Variants in PKP2 observed in about 807,000 individuals in gnomAD.
PKP2 encodes the protein plakophilin-2.
Under a neutral mutation model 83.4 loss-of-function variants are expected in PKP2, and 73 were observed. That is an observed-to-expected ratio of 0.88 (90% CI 0.72 to 1.06). The LOEUF (loss-of-function observed/expected upper bound fraction) is 1.06, where lower values mean the gene tolerates loss of function less well. Ranked by LOEUF, PKP2 falls within the 50% of genes least tolerant of loss-of-function variation. PKP2 has a pLI of 0.00. For synonymous variants in PKP2, 409 were observed against 430.4 expected (o/e 0.95, Z 0.62); for missense variants, 966 against 1,065.4 (o/e 0.91, Z 1.30).
In PKP2 at chr12:32,829,926, G is replaced by T. The variant is rs192727367; in HGVS notation, c.1557-5764C>A. 2.1e-3 allele frequency among the ~76,000 whole-genome samples: 325 copies of T among 152,288 alleles called. 1 individual carries two copies. Among genetic ancestry groups the T allele is most frequent in the African/African-American group, 7.5e-3 (313 of 41,560 alleles). Reference sequence around the variant, plus strand: ...TCCGCCTGCCTCAGCCTCCCAAAGTGCTGGGATTACAGGCGTAAACCACTG... The same window carrying T: ...TCCGCCTGCCTCAGCCTCCCAAAGTTCTGGGATTACAGGCGTAAACCACTG... On this transcript the variant is annotated intron_variant, in intron 6 of 12. Transcript: ENST00000340811.
intron 1 of PKP2, among the ~76,000 whole-genome samples, chr12:32,884,462 A>G (rs1227064516): frequency 6.6e-6 from 1 of 152,146 alleles, no homozygotes; most frequent in Non-Finnish European, 1.5e-5. Flanking sequence ...TCAAGAAAAA[A>G]AATAAATATA....
chr12:32,850,618 C>T, intron 5 of PKP2, 148 bp downstream of exon 5: 2 of 704,452 alleles, frequency 2.8e-6, no homozygotes, highest in South Asian at 1.6e-5. Flanking sequence ...TCTAAGCCAG[C>T]AGGTAACAAT....
At chr12:32,813,344 A>G (rs1956293857) in intron 9 of PKP2, among the ~76,000 whole-genome samples, 1 of 152,218 alleles carries the variant, frequency 6.6e-6, no homozygotes, top group South Asian at 2.1e-4. Flanking sequence ...AATCATTTCA[A>G]GTTCATTTTG....
At chr12:32,860,066 T>C (rs1956785066) in intron 4 of PKP2, among the ~76,000 whole-genome samples, 1 of 152,094 alleles carries the variant, frequency 6.6e-6, no homozygotes, top group African/African-American at 2.4e-5. Context: ...TTTCAATAAC[T>C]GAAAATGAGT....
intron 3 of PKP2, among the ~76,000 whole-genome samples, chr12:32,873,787 C>T (rs920714691): frequency 3.3e-5 from 5 of 152,134 alleles, no homozygotes; most frequent in South Asian, 2.1e-4. Context: ...ACCTCGGCCT[C>T]GTAAAGTGCT....
intron 8 of PKP2, chr12:32,821,845 T>C (rs185605496): frequency 1.7e-4 from 58 of 349,846 alleles, no homozygotes; most frequent in African/African-American, 1.1e-3. Flanking sequence ...GCTAAATTAG[T>C]CACAACCACC....
rs1295621550 is a variant in PKP2, at chr12:32,850,078, T to C, written c.1378+688A>G. On this transcript the variant is annotated intron_variant, in intron 5 of 12. Coordinates refer to ENST00000340811, the MANE Select transcript of PKP2 (RefSeq NM_001005242.3). ...AAAATTTAGTTTGGGACACCTAGGA[T>C]AACAGTGAAATCCTACACGTTCTTA... Among the ~76,000 whole-genome samples the C allele has an allele frequency of 4.6e-5, 7 of 152,350 alleles. No homozygotes were observed. In the East Asian group the frequency reaches 1.2e-3, roughly 25 times the overall value.
chr12:32,893,534 T>C (rs1480320379), intron 1 of PKP2: 2 of 152,218 alleles, frequency 1.3e-5, no homozygotes, highest in East Asian at 3.8e-4. Context: ...GATTTCCTTT[T>C]TGAGTCTTAG....
At chr12:32,869,604 A>C (rs1199441308) in intron 3 of PKP2, among the ~76,000 whole-genome samples, 1 of 151,930 alleles carries the variant, frequency 6.6e-6, no homozygotes, top group Non-Finnish European at 1.5e-5. Context: ...ATCTCAAAAA[A>C]AAAAAAAAGA....
At chr12:32,879,776 A>G (rs1446249969) in intron 1 of PKP2, among the ~76,000 whole-genome samples, 2 of 150,458 alleles carry the variant, frequency 1.3e-5, no homozygotes, top group African/African-American at 2.4e-5. Context: ...GTTGCAGTGA[A>G]GCTGAGATTG....
chr12:32,852,195 A>C (rs139901173), intron 4 of PKP2, among the ~76,000 whole-genome samples: 185 of 152,288 alleles, frequency 1.2e-3, no homozygotes, highest in African/African-American at 4.3e-3. Context: ...ATTTTGAGGA[A>C]ATAAGTTTTC....
intron 4 of PKP2, among the ~76,000 whole-genome samples, chr12:32,868,682 C>T (rs1956870354): frequency 6.6e-6 from 1 of 152,108 alleles, no homozygotes; most frequent in Admixed American, 6.5e-5. Context: ...GCCACTGCAC[C>T]CAACTAATTT....
intron 9 of PKP2, chr12:32,820,235 T>TA (rs1272214984): frequency 6.6e-6 from 1 of 152,194 alleles, no homozygotes; most frequent in Non-Finnish European, 1.5e-5. Flanking sequence ...AAGTAAAACA[T>TA]AAATATTTTT....
At chr12:32,809,611 G>A (rs943138489) in intron 9 of PKP2, among the ~76,000 whole-genome samples, 7 of 152,220 alleles carry the variant, frequency 4.6e-5, no homozygotes, top group Non-Finnish European at 8.8e-5. Flanking sequence ...TCACCTTGCT[G>A]GAAATTCCGG....
chr12:32,869,859 AAAAC>A (rs1438775635), intron 3 of PKP2, among the ~76,000 whole-genome samples: 1 of 152,042 alleles, frequency 6.6e-6, no homozygotes, highest in African/African-American at 2.4e-5. Context: ...GTCTTTACAA[AAAAC>A]AAACAGACAA....
At chr12:32,810,639 T>A (rs947064478) in intron 9 of PKP2, among the ~76,000 whole-genome samples, 1 of 152,196 alleles carries the variant, frequency 6.6e-6, no homozygotes, top group African/African-American at 2.4e-5. Flanking sequence ...GCTAAATTGA[T>A]GAAGTCACAT....
At chr12:32,880,406 A>C (rs1956974981) in intron 1 of PKP2, among the ~76,000 whole-genome samples, 1 of 152,176 alleles carries the variant, frequency 6.6e-6, no homozygotes, top group South Asian at 2.1e-4. Context: ...GTCTCAAAAA[A>C]ACAAAAACAA....
intron 9 of PKP2, among the ~76,000 whole-genome samples, chr12:32,808,668 T>C (rs968421036): frequency 2.6e-5 from 4 of 152,210 alleles, no homozygotes; most frequent in African/African-American, 9.7e-5. Context: ...CTTATCTACC[T>C]TCGACCTTTG....
chr12:32,793,214 C>A (rs1956088715), intron 11 of PKP2, among the ~76,000 whole-genome samples: 1 of 151,960 alleles, frequency 6.6e-6, no homozygotes, highest in Admixed American at 6.6e-5. Context: ...GCACTCCAGC[C>A]TGGTGACAAA....
Sources: allele counts gnomAD v4.1 joint callset (sites outside exome capture counted in the v4.1 genomes callset), GRCh38; gene constraint gnomAD v4.1.1; transcripts MANE v1.5; gene names NCBI Gene and HGNC (gene_info 2026-07-23, HGNC 2026-07-21).